Variants in LGALS3 observed in about 807,000 individuals in gnomAD.
LGALS3 encodes the protein galectin 3, also known as galectin-3.
Under a neutral mutation model 20.7 loss-of-function variants are expected in LGALS3, and 18 were observed. The ratio of observed to expected loss-of-function variants is 0.87; its 90% CI spans 0.60 to 1.29. The LOEUF (loss-of-function observed/expected upper bound fraction) is 1.29, where lower values mean the gene tolerates loss of function less well. LGALS3 is among the 50% of genes most tolerant of loss of function. The probability of loss-of-function intolerance (pLI) is 0.00; values close to 1 mark genes in which losing one functional copy is unlikely to be tolerated. For missense variants in LGALS3, 315 were observed against 314.7 expected (o/e 1.00, Z -0.01); for synonymous variants, 112 against 119.6 (o/e 0.94, Z 0.42).
intron 1 of LGALS3, among the ~76,000 whole-genome samples, chr14:55,131,848 C>T (rs1881241342): frequency 1.3e-5 from 2 of 152,176 alleles, no homozygotes; most frequent in African/African-American, 4.8e-5. Flanking sequence ...AGGAAAGGAC[C>T]AGTTCCCCTT....
chr14:55,130,405 C>T (rs1881191421), intron 1 of LGALS3, among the ~76,000 whole-genome samples: 1 of 152,140 alleles, frequency 6.6e-6, no homozygotes, highest in Admixed American at 6.5e-5. Flanking sequence ...ACCTGGACCT[C>T]AGTGACTCAG....
chr14:55,144,884 A>T (rs1332636219), intron 5 of LGALS3, among the ~76,000 whole-genome samples: 1 of 152,232 alleles, frequency 6.6e-6, no homozygotes, highest in Admixed American at 6.5e-5. Context: ...TTTTTGCTGT[A>T]AAGTTACTTT....
intron 5 of LGALS3, among the ~76,000 whole-genome samples, chr14:55,144,624 C>G (rs1189762263): frequency 6.6e-6 from 1 of 152,152 alleles, no homozygotes; most frequent in East Asian, 1.9e-4. Context: ...AGTGCAGTGG[C>G]ACTATCTCGG....
At chr14:55,144,853 C>T (rs2140298233) in intron 5 of LGALS3, among the ~76,000 whole-genome samples, 1 of 152,306 alleles carries the variant, frequency 6.6e-6, no homozygotes, top group Admixed American at 6.5e-5. Context: ...CGTGAGCCAC[C>T]CCGCCCAGCA....
intron 3 of LGALS3, among the ~76,000 whole-genome samples, chr14:55,139,891 G>A (rs1398348664): frequency 6.6e-6 from 1 of 152,194 alleles, no homozygotes; most frequent in Non-Finnish European, 1.5e-5. Context: ...AGCCCAGAAT[G>A]TGATATGCTG....
intron 5 of LGALS3, 151 bp from the exon 6 acceptor site, chr14:55,144,965 G>C (rs1881763328): frequency 1.6e-6 from 1 of 639,482 alleles, no homozygotes; most frequent in African/African-American, 1.8e-5. Context: ...GGCCAGACTG[G>C]TTTGAAATTA....
chr14:55,138,915 C>A (rs1881520649), intron 3 of LGALS3, among the ~76,000 whole-genome samples: 1 of 152,210 alleles, frequency 6.6e-6, no homozygotes, highest in Non-Finnish European at 1.5e-5. Flanking sequence ...TAAAACATAA[C>A]TCCATGGGGG....
rs775932236 is a variant in LGALS3, at chr14:55,142,741, C to A, written c.589C>A (p.Pro197Thr). Residue 197 changes from proline (P) to threonine (T), a missense_variant, in exon 5 of 6, where the codon CCA becomes ACA. Pro to Thr is a conservative substitution (Grantham distance 38, BLOSUM62 -1). Coordinates refer to ENST00000254301, the MANE Select transcript of LGALS3 (RefSeq NM_002306.4). ...QSVFPFESGK[P>T]FKIQVLVEPD... ...GGTTTTCCCATTTGAAAGTGGGAAA[C>A]CATTCAAAGTAAGTTATTGCTACTA... is the stretch of plus-strand genomic sequence containing the variant. 5.0e-6 allele frequency: 8 copies of A among 1,611,116 alleles called. No individual in the cohort carries two copies. The highest frequency in any genetic ancestry group is 6.8e-6 in the Non-Finnish European group (8 of 1,177,438).
At chr14:55,140,190 A>T in intron 3 of LGALS3, 85 bp from the exon 4 acceptor site, 1 of 848,196 alleles carries the variant, frequency 1.2e-6, no homozygotes, top group Non-Finnish European at 2.0e-6. Flanking sequence ...CACACATATT[A>T]ATAGTGATGG....
At chr14:55,144,813 C>T (rs1474040581) in intron 5 of LGALS3, among the ~76,000 whole-genome samples, 1 of 152,184 alleles carries the variant, frequency 6.6e-6, no homozygotes, top group Non-Finnish European at 1.5e-5. Context: ...ATCCACCCGC[C>T]TCAGCCTCCC....
At chr14:55,139,315 G>A (rs1300059142) in intron 3 of LGALS3, among the ~76,000 whole-genome samples, 1 of 152,206 alleles carries the variant, frequency 6.6e-6, no homozygotes, top group African/African-American at 2.4e-5. Context: ...CATCAGCAAA[G>A]CTTTAGCCCA....
In LGALS3 at chr14:55,145,423, A is replaced by G. The variant is rs1348874044; in HGVS notation, c.*152A>G. On this transcript the variant is annotated 3_prime_UTR_variant, in exon 6 of 6. Transcript: ENST00000254301. ...ATATTACAGTGAATTACCTGTCTCA[A>G]TATGTCATTTAATTGGAGTGGTTTA... 2.2e-6 allele frequency: 3 copies of G among 1,389,090 alleles called. No individual in the cohort carries two copies. Among genetic ancestry groups the G allele is most frequent in the South Asian group, 1.2e-5 (1 of 80,236 alleles). 86.0% of individuals were successfully genotyped at this position (1,389,090 alleles called of 1,614,324 possible). A position where few individuals can be genotyped will look rare whatever the true frequency, so the allele number is the denominator to read the frequency against.
At chr14:55,141,297 C>T (rs550763985) in intron 4 of LGALS3, among the ~76,000 whole-genome samples, 11 of 152,290 alleles carry the variant, frequency 7.2e-5, no homozygotes, top group Admixed American at 5.9e-4. Flanking sequence ...AGAACTTCCC[C>T]GTACAATAAT....
At chr14:55,137,589 G>A (rs1594651773) in intron 2 of LGALS3, 198 bp downstream of exon 2, 1 of 1,479,126 alleles carries the variant, frequency 6.8e-7, no homozygotes, top group East Asian at 2.4e-5. Flanking sequence ...GGCAGAGCGA[G>A]GCCTGGGACT....
intron 1 of LGALS3, among the ~76,000 whole-genome samples, chr14:55,132,308 T>C (rs893364532): frequency 5.9e-5 from 9 of 152,176 alleles, no homozygotes; most frequent in African/African-American, 2.2e-4. Context: ...TTGAAGTTTT[T>C]TTTTTTTCCC....
At position 55,140,272 on chromosome 14, in the gene LGALS3, C is replaced by A. The variant is rs1224207385; in HGVS notation, c.343-3C>A. ...TGACACATATGTACTTGTTAATTCC[C>A]AGATTGTGCCTTATAACCTGCCTTT... On this transcript the variant is annotated splice_polypyrimidine_tract_variant and splice_region_variant and intron_variant, in intron 3 of 5. Coordinates refer to ENST00000254301, the MANE Select transcript of LGALS3 (RefSeq NM_002306.4). 1 of 1,604,566 alleles carries A rather than the reference C, an allele frequency of 6.2e-7. No individual in the cohort carries two copies. Among genetic ancestry groups the A allele is most frequent in the Non-Finnish European group, 8.5e-7 (1 of 1,171,850 alleles).
chr14:55,133,854 T>C (rs953518253), intron 1 of LGALS3, among the ~76,000 whole-genome samples: 1 of 152,230 alleles, frequency 6.6e-6, no homozygotes, highest in Non-Finnish European at 1.5e-5. Flanking sequence ...CTGGTTGGAA[T>C]CAGCCTTTAA....
At chr14:55,144,077 C>T (rs1226232421) in intron 5 of LGALS3, among the ~76,000 whole-genome samples, 2 of 151,890 alleles carry the variant, frequency 1.3e-5, no homozygotes, top group East Asian at 1.9e-4. Flanking sequence ...ATCATCAATC[C>T]TTACAACATT....
chr14:55,135,576 T>TTTTC (rs1881368601), intron 1 of LGALS3, among the ~76,000 whole-genome samples: 2 of 145,086 alleles, frequency 1.4e-5, no homozygotes, highest in African/African-American at 5.2e-5. Flanking sequence ...TTTTTTTTTT[T>TTTTC]TTTTTTTTGA....
Sources: gnomAD v4.1 joint callset for allele counts (sites outside exome capture counted in the v4.1 genomes callset) on GRCh38, gnomAD v4.1.1 for gene constraint, MANE v1.5 for transcripts, NCBI Gene and HGNC (gene_info 2026-07-23, HGNC 2026-07-21) for gene names.